The following SGF29 variants were observed in gnomAD, a reference collection of about 807,000 sequenced individuals.
SGF29 encodes SAGA-associated factor 29.
Under a neutral mutation model 38.1 loss-of-function variants are expected in SGF29, and 15 were observed. The observed-to-expected ratio is 0.39, with a 90% CI of 0.26 to 0.61. SGF29 has a LOEUF of 0.61. Ranked by LOEUF, SGF29 falls within the 20% of genes least tolerant of loss-of-function variation. The pLI is 0.49. For synonymous variants in SGF29, 151 were observed against 160.8 expected (o/e 0.94, Z 0.46); for missense variants, 184 against 394.6 (o/e 0.47, Z 4.52).
At position 28,590,488 on chromosome 16, in the gene SGF29, C is replaced by G. The variant is rs1370697057; in HGVS notation, c.566+46C>G. The G allele has an allele frequency of 1.9e-6, 3 of 1,613,664 alleles. No homozygotes were observed. In the African/African-American group the frequency reaches 4.0e-5, roughly 22 times the overall value. ...GGCTGCTCTCTGGTCACCGAACTTG[C>G]CTGGGCTACGGGAGAAAAGCTCTGC... On this transcript the variant is annotated intron_variant, in intron 7 of 9. Coordinates refer to ENST00000317058, the MANE Select transcript of SGF29 (RefSeq NM_138414.3). The surrounding 1 kb of genome is among the most constrained non-coding windows in gnomAD (Gnocchi z 8.2).
Position 28,590,048 on chromosome 16 carries a change from A to G in SGF29, c.290-48A>G, listed in dbSNP as rs1183838676. ...CTCAGTGCAGCATGCTCGGGGGTCA[A>G]GGCCGGCACCTATCCCTGGGGCCTC... On this transcript the variant is annotated intron_variant, in intron 5 of 9. Coordinates refer to ENST00000317058, the MANE Select transcript of SGF29 (RefSeq NM_138414.3). The surrounding 1 kb of genome is among the most constrained non-coding windows in gnomAD (Gnocchi z 8.2). 2 of 1,580,912 alleles carry G rather than the reference A, an allele frequency of 1.3e-6. No individual in the cohort carries two copies. The highest frequency in any genetic ancestry group is 8.6e-7 in the Non-Finnish European group (1 of 1,165,170).
chr16:28,564,800 C>A (rs2046826838), intron 1 of SGF29, among the ~76,000 whole-genome samples: 2 of 135,642 alleles, frequency 1.5e-5, no homozygotes, highest in African/African-American at 2.7e-5. Flanking sequence ...CACACACACA[C>A]ACACACAAAC....
At position 28,569,277 on chromosome 16, in the gene SGF29, A is replaced by G. The variant is rs117035765; in HGVS notation, c.-15-11778A>G. Among the ~76,000 whole-genome samples, 158 of 152,324 alleles carry G rather than the reference A, an allele frequency of 1.0e-3. 3 individuals are homozygous for G. In the East Asian group the frequency reaches 0.025, roughly 24 times the overall value. ...ACGGCTTATAGTAAAATGTGAGAAG[A>G]GAGAAACAAACTAAATACAGAATTT... On this transcript the variant is annotated intron_variant, in intron 1 of 9. Coordinates refer to ENST00000317058, the MANE Select transcript of SGF29 (RefSeq NM_138414.3).
intron 1 of SGF29, among the ~76,000 whole-genome samples, chr16:28,573,619 A>G (rs2046877998): frequency 6.6e-6 from 1 of 152,112 alleles, no homozygotes; most frequent in East Asian, 1.9e-4. Context: ...GGTAGAGGAG[A>G]AAGGATTCGC....
chr16:28,568,202 G>A (rs1165572773), intron 1 of SGF29, among the ~76,000 whole-genome samples: 1 of 150,566 alleles, frequency 6.6e-6, no homozygotes, highest in Non-Finnish European at 1.5e-5. Flanking sequence ...AATCCCAGCT[G>A]CTCAGGAGGC....
At chr16:28,559,487 G>T (rs925478552) in intron 1 of SGF29, among the ~76,000 whole-genome samples, 2 of 152,088 alleles carry the variant, frequency 1.3e-5, no homozygotes, top group African/African-American at 4.8e-5. Context: ...GGATTCAAGC[G>T]ATTCTTGTGC....
intron 1 of SGF29, among the ~76,000 whole-genome samples, chr16:28,575,844 C>T (rs79780529): frequency 0.038 from 5,723 of 152,044 alleles, 144 homozygotes; most frequent in Middle Eastern, 0.062. Flanking sequence ...ACTAGGATGG[C>T]TGTAATCAAA....
chr16:28,554,929 C>T (rs1478379161), intron 1 of SGF29, among the ~76,000 whole-genome samples: 1 of 152,210 alleles, frequency 6.6e-6, no homozygotes, highest in Non-Finnish European at 1.5e-5. Context: ...GCTTGCTGAA[C>T]GTTCTCTTCC....
In SGF29 at chr16:28,560,591, G is replaced by GA. The variant is rs973144396; in HGVS notation, c.-16+6508dup. ...GCAACAGAGCGAGACTCTGTCTCAAGAAAAAAAAAAAAAAGAACGAAAATT... is the reference window on the plus strand; with the variant it reads ...GCAACAGAGCGAGACTCTGTCTCAAGAAAAAAAAAAAAAAAGAACGAAAATT... On this transcript the variant is annotated intron_variant, in intron 1 of 9. Transcript: ENST00000317058. 4.2e-3 allele frequency among the ~76,000 whole-genome samples: 258 copies of GA among 61,468 alleles called. 1 individual carries two copies. Among genetic ancestry groups the GA allele is most frequent in the Middle Eastern group, 0.011 (1 of 88 alleles). 40.3% of individuals were successfully genotyped at this position (61,468 alleles called of 152,430 possible).
chr16:28,558,110 CTT>C (rs1173870291), intron 1 of SGF29, among the ~76,000 whole-genome samples: 12 of 129,722 alleles, frequency 9.3e-5, no homozygotes, highest in Non-Finnish European at 8.3e-5. Context: ...CACCTGGGTA[CTT>C]TTTTTTTTTT....
intron 1 of SGF29, among the ~76,000 whole-genome samples, chr16:28,564,728 CATATATAT>C (rs1567286013): frequency 2.3e-4 from 16 of 70,226 alleles, no homozygotes; most frequent in Middle Eastern, 6.8e-3. Context: ...TATATATATA[CATATATAT>C]GTATATATGT....
At chr16:28,557,488 A>G (rs779930072) in intron 1 of SGF29, among the ~76,000 whole-genome samples, 1 of 152,212 alleles carries the variant, frequency 6.6e-6, no homozygotes, top group Non-Finnish European at 1.5e-5. Flanking sequence ...ATAATAAGCC[A>G]GTAAACCTAA....
intron 1 of SGF29, among the ~76,000 whole-genome samples, chr16:28,576,242 A>C (rs1360224867): frequency 6.6e-6 from 1 of 152,180 alleles, no homozygotes; most frequent in East Asian, 1.9e-4. Context: ...AGGAAACAAC[A>C]GACACTGGGC....
rs4149408 is a variant in SGF29 at position 28,590,939 on chromosome 16, A to G, written c.765+4A>G. Reference sequence around the variant, plus strand: ...GATCCATGCGCCCCCACAGCGGGTAAAGCAGCCTCCAGGGGAGAGGCCATG... The same window carrying G: ...GATCCATGCGCCCCCACAGCGGGTAGAGCAGCCTCCAGGGGAGAGGCCATG... On this transcript the variant is annotated splice_donor_region_variant and intron_variant, in intron 9 of 9. Transcript: ENST00000317058. The surrounding 1 kb of genome is among the most constrained non-coding windows in gnomAD (Gnocchi z 8.2). The G allele has an allele frequency of 3.2e-5, 51 of 1,605,994 alleles. No homozygotes were observed. The East Asian group carries it at 1.1e-3, about 35-fold the overall frequency.
At chr16:28,585,843 C>A in intron 4 of SGF29, 123 bp downstream of exon 4, 1 of 897,486 alleles carries the variant, frequency 1.1e-6, no homozygotes, top group South Asian at 1.4e-5. Flanking sequence ...CTACTCCCAG[C>A]CTCTCGCTTG....
chr16:28,571,761 T>G (rs2046866282), intron 1 of SGF29, among the ~76,000 whole-genome samples: 1 of 152,086 alleles, frequency 6.6e-6, no homozygotes. Flanking sequence ...AAATCCAAAG[T>G]GGACCTAACT....
chr16:28,559,977 G>A (rs1255104726), intron 1 of SGF29, among the ~76,000 whole-genome samples: 1 of 152,132 alleles, frequency 6.6e-6, no homozygotes, highest in Non-Finnish European at 1.5e-5. Flanking sequence ...TCTTATGCCT[G>A]TAAACCCAGC....
intron 1 of SGF29, among the ~76,000 whole-genome samples, chr16:28,555,077 A>G (rs1207656910): frequency 6.6e-6 from 1 of 152,210 alleles, no homozygotes; most frequent in African/African-American, 2.4e-5. Context: ...CTGCAGCCTC[A>G]AACTCTTGGG....
rs1186054140 is a variant in SGF29 at position 28,564,697 on chromosome 16, GTA to G, written c.-16+10609_-16+10610del. 2.4e-4 allele frequency among the ~76,000 whole-genome samples: 18 copies of G among 75,096 alleles called. 1 individual carries two copies. Among genetic ancestry groups the G allele is most frequent in the South Asian group, 1.9e-3 (6 of 3,122 alleles). The allele number at this position is 75,096 out of a possible 152,430, so 49.3% of individuals were successfully genotyped here. A position where few individuals can be genotyped will look rare whatever the true frequency, so the allele number is the denominator to read the frequency against. On this transcript the variant is annotated intron_variant, in intron 1 of 9. Transcript: ENST00000317058. Reference sequence around the variant, plus strand: ...TATGTATATATATGTGTATATATATGTATATATATACATATATATGTATATAT... The same window carrying G: ...TATGTATATATATGTGTATATATATGTATATATACATATATATGTATATAT...
Sources: allele counts gnomAD v4.1 joint callset (sites outside exome capture counted in the v4.1 genomes callset), GRCh38; gene constraint gnomAD v4.1.1; non-coding constraint Gnocchi (gnomAD v3.1); transcripts MANE v1.5; gene names NCBI Gene and HGNC (gene_info 2026-07-23, HGNC 2026-07-21).